The following RPA1 variants were observed in gnomAD, a reference collection of about 807,000 sequenced individuals.
The protein encoded by RPA1 is replication protein A 70 kDa DNA-binding subunit.
In RPA1, 49 loss-of-function variants were observed where a neutral mutation model predicts 83.0. The observed-to-expected ratio is 0.59, with a 90% CI of 0.47 to 0.75. The LOEUF is 0.75. RPA1 is among the 30% of genes least tolerant of loss of function. RPA1 has a pLI of 0.00. For synonymous variants in RPA1, 279 were observed against 281.8 expected (o/e 0.99, Z 0.10); for missense variants, 693 against 776.1 (o/e 0.89, Z 1.27).
chr17:1,865,990 C>T (rs1042081024), intron 5 of RPA1, among the ~76,000 whole-genome samples: 1 of 152,110 alleles, frequency 6.6e-6, no homozygotes, highest in African/African-American at 2.4e-5. Context: ...CCTGTAATCC[C>T]GACACTTTGG....
At position 1,863,315 on chromosome 17, in the gene RPA1, G is replaced by A. The variant is rs549250821; in HGVS notation, c.362-9119G>A. On this transcript the variant is annotated intron_variant, in intron 5 of 16. Coordinates refer to ENST00000254719, the MANE Select transcript of RPA1 (RefSeq NM_002945.5). The stretch of plus-strand genomic sequence containing the variant: ...CAACCTCCACCTCCCGGGCTCAAGC[G>A]ATTCTCCTGCCTCAGCCTCCCGAGT... Among the ~76,000 whole-genome samples the A allele has an allele frequency of 2.3e-3, 354 of 151,852 alleles. 1 individual carries two copies. The highest frequency in any genetic ancestry group is 8.3e-3 in the African/African-American group (344 of 41,414).
At chr17:1,894,660 G>A (rs146392966) in intron 15 of RPA1, among the ~76,000 whole-genome samples, 238 of 152,224 alleles carry the variant, frequency 1.6e-3, no homozygotes, top group Middle Eastern at 0.01. Context: ...AGAGACAGAC[G>A]ACAGCCTTGT....
chr17:1,893,360 C>T (rs987758131), intron 15 of RPA1, among the ~76,000 whole-genome samples: 2 of 152,240 alleles, frequency 1.3e-5, no homozygotes, highest in Non-Finnish European at 2.9e-5. Flanking sequence ...ACTCCACGCC[C>T]CTCATCTTGG....
Position 1,880,760 on chromosome 17 carries a change from C to T in RPA1, c.1241+69C>T, listed in dbSNP as rs17338906. On this transcript the variant is annotated intron_variant, in intron 12 of 16. Coordinates refer to ENST00000254719, the MANE Select transcript of RPA1 (RefSeq NM_002945.5). Reference sequence around the variant, plus strand: ...TTTGAGAAAAGCTGGTTACAATCAGCATGGGAGCTTTCTGCCAAGCAGAAG... The same window carrying T: ...TTTGAGAAAAGCTGGTTACAATCAGTATGGGAGCTTTCTGCCAAGCAGAAG... 0.015 allele frequency: 23,892 copies of T among 1,584,868 alleles called. 2,888 individuals carry two copies. In the African/African-American group the frequency reaches 0.27, roughly 18 times the overall value.
At chr17:1,890,693 TAAATA>T (rs539181001) in intron 14 of RPA1, among the ~76,000 whole-genome samples, 1 of 152,098 alleles carries the variant, frequency 6.6e-6, no homozygotes, top group Admixed American at 6.6e-5. Context: ...TAATAAATGA[TAAATA>T]AAATGAAATG....
At position 1,883,964 on chromosome 17, in the gene RPA1, A is replaced by AT; in HGVS notation, c.1374+20_1374+21insT. 6.2e-7 allele frequency: 1 copy of AT among 1,612,902 alleles called. No homozygotes were observed. Among genetic ancestry groups the AT allele is most frequent in the Non-Finnish European group, 8.5e-7 (1 of 1,179,806 alleles). On this transcript the variant is annotated intron_variant, in intron 13 of 16. Transcript: ENST00000254719. Reference sequence around the variant, plus strand: ...GACAAGGTACCCAGCATTCCTAACCACCTTCACAAAGGGCTGTAAAGTGTG... The same window carrying AT: ...GACAAGGTACCCAGCATTCCTAACCATCCTTCACAAAGGGCTGTAAAGTGTG...
chr17:1,899,948 T>TA lies in RPA1; in HGVS notation c.*2774dup, dbSNP rs1914588056. ...ACCTTTTATGTGGTTTGTTAACTCT[T>TA]AGTCTTATATCCACTCCGCTGGTAG... On this transcript the variant is annotated 3_prime_UTR_variant, in exon 17 of 17. Coordinates refer to ENST00000254719, the MANE Select transcript of RPA1 (RefSeq NM_002945.5). 1 of 152,222 alleles carries TA rather than the reference T, an allele frequency of 6.6e-6. No homozygotes were observed. Among genetic ancestry groups the TA allele is most frequent in the African/African-American group, 2.4e-5 (1 of 41,442 alleles). The allele number at this position is 152,222 out of a possible 1,614,324, so 9.4% of individuals were successfully genotyped here.
intron 6 of RPA1, 77 bp downstream of exon 6, chr17:1,872,603 T>C: frequency 6.4e-7 from 1 of 1,559,014 alleles, no homozygotes; most frequent in Non-Finnish European, 8.7e-7. Flanking sequence ...AATCTGGGAC[T>C]AAAGGGAGTT....
At position 1,830,008 on chromosome 17, in the gene RPA1, G is replaced by C. The variant is rs574702017; in HGVS notation, c.-86G>C. Reference sequence around the variant, plus strand: ...GCGGGAGCGGTGCGCGCAACTTCTCGGGCCAATAACTGCGCAGCGCGCGGG... The same window carrying C: ...GCGGGAGCGGTGCGCGCAACTTCTCCGGCCAATAACTGCGCAGCGCGCGGG... On this transcript the variant is annotated 5_prime_UTR_variant, in exon 1 of 17. Transcript: ENST00000254719. 1,590 of 1,217,236 alleles carry C rather than the reference G, an allele frequency of 1.3e-3. 24 individuals carry two copies. Among genetic ancestry groups the C allele is most frequent in the South Asian group, 6.3e-4 (15 of 23,914 alleles). The allele number at this position is 1,217,236 out of a possible 1,614,324, so 75.4% of individuals were successfully genotyped here.
intron 16 of RPA1, among the ~76,000 whole-genome samples, 175 bp downstream of exon 16, chr17:1,895,270 G>GT (rs1914362545): frequency 6.6e-6 from 1 of 151,552 alleles, no homozygotes; most frequent in African/African-American, 2.4e-5. Flanking sequence ...GAAGGAGAGA[G>GT]AGCTTAAGTG....
chr17:1,859,253 T>C (rs1449798377), intron 5 of RPA1, among the ~76,000 whole-genome samples: 1 of 152,180 alleles, frequency 6.6e-6, no homozygotes, highest in Non-Finnish European at 1.5e-5. Context: ...AAATTCTGTG[T>C]GTACTTGAAA....
intron 5 of RPA1, among the ~76,000 whole-genome samples, chr17:1,857,866 G>C (rs3729643): frequency 0.86 from 119,015 of 138,544 alleles, 51,538 homozygotes; most frequent in Non-Finnish European, 0.92. Flanking sequence ...AAACTAGACC[G>C]TTTTCCACTA....
chr17:1,862,750 T>A, intron 5 of RPA1, among the ~76,000 whole-genome samples: 1 of 84,144 alleles, frequency 1.2e-5, no homozygotes, highest in Admixed American at 1.3e-4. Context: ...GAGATGAAGT[T>A]TTGCTTTGTT....
intron 4 of RPA1, among the ~76,000 whole-genome samples, chr17:1,845,662 G>A (rs2151272157): frequency 6.6e-6 from 1 of 152,300 alleles, no homozygotes; most frequent in South Asian, 2.1e-4. Context: ...AAGGTGCAGT[G>A]GCTCACACCT....
chr17:1,897,980 T>C lies in RPA1; in HGVS notation c.*805T>C, dbSNP rs896857817. ...TTCCTGCATTCATGTATTTTGTTTTTTTTGACTAAAGCTATGTTACATGGA... is the reference window on the plus strand; with the variant it reads ...TTCCTGCATTCATGTATTTTGTTTTCTTTGACTAAAGCTATGTTACATGGA... On this transcript the variant is annotated 3_prime_UTR_variant, in exon 17 of 17. Transcript: ENST00000254719. The C allele has an allele frequency of 6.6e-6, 1 of 152,358 alleles. No homozygotes were observed. Among genetic ancestry groups the C allele is most frequent in the Non-Finnish European group, 1.5e-5 (1 of 68,050 alleles). 9.4% of individuals were successfully genotyped at this position (152,358 alleles called of 1,614,324 possible).
chr17:1,872,664 T>A, intron 6 of RPA1, 138 bp downstream of exon 6: 2 of 1,247,646 alleles, frequency 1.6e-6, no homozygotes, highest in Non-Finnish European at 2.2e-6. Context: ...ATAATTCTGA[T>A]TCATATTTTA....
chr17:1,879,957 T>A (rs1913722334), intron 11 of RPA1, among the ~76,000 whole-genome samples: 1 of 131,026 alleles, frequency 7.6e-6, no homozygotes, highest in East Asian at 2.3e-4. Flanking sequence ...GAGGGAGGGG[T>A]CTTGTCCTAT....
chr17:1,850,800 G>A (rs1037414553), intron 4 of RPA1, among the ~76,000 whole-genome samples: 6 of 151,716 alleles, frequency 4.0e-5, no homozygotes, highest in African/African-American at 1.5e-4. Flanking sequence ...GCCGAGGCAG[G>A]AAAATTGCTT....
intron 5 of RPA1, among the ~76,000 whole-genome samples, chr17:1,855,203 C>T (rs977219172): frequency 6.6e-6 from 1 of 151,916 alleles, no homozygotes; most frequent in Non-Finnish European, 1.5e-5. Context: ...CATTGCATGA[C>T]CCAGGCTGGA....
Sources: gnomAD v4.1 joint callset for allele counts (sites outside exome capture counted in the v4.1 genomes callset) on GRCh38, gnomAD v4.1.1 for gene constraint, MANE v1.5 for transcripts, NCBI Gene and HGNC (gene_info 2026-07-23, HGNC 2026-07-21) for gene names.